The following KHDRBS2 variants were observed in gnomAD, a reference collection of about 807,000 sequenced individuals.
KHDRBS2 encodes the protein KH RNA binding domain containing, signal transduction associated 2.
In KHDRBS2, 26 loss-of-function variants were observed where a neutral mutation model predicts 44.3. That is an observed-to-expected ratio of 0.59 (90% CI 0.43 to 0.81). KHDRBS2 has a LOEUF of 0.81. Ranked by LOEUF, KHDRBS2 falls within the 40% of genes least tolerant of loss-of-function variation. KHDRBS2 has a pLI of 0.00. For synonymous variants in KHDRBS2, 194 were observed against 151.1 expected, an observed-to-expected ratio of 1.28 and a Z score of -2.08; for missense variants, 476 against 433.1, an observed-to-expected ratio of 1.10 and a Z score of -0.88.
chr6:61,754,275 C>G lies in KHDRBS2; in HGVS notation c.811-21511G>C, dbSNP rs147701758. 2.2e-3 allele frequency among the ~76,000 whole-genome samples: 336 copies of G among 152,070 alleles called. 4 individuals carry two copies. The highest frequency in any genetic ancestry group is 0.017 in the Admixed American group (258 of 15,264). On this transcript the variant is annotated intron_variant, in intron 6 of 8. Coordinates refer to ENST00000281156, the MANE Select transcript of KHDRBS2 (RefSeq NM_152688.4). The stretch of plus-strand genomic sequence containing the variant: ...TTAAGCCAAGGGGTCTAGTGAGGGA[C>G]CACAAAAAAATGGAGCAATGACCTG...
At chr6:61,607,519 G>GAAAA in the KHDRBS2 span, among the ~76,000 whole-genome samples, 34 of 23,322 alleles carry the variant, frequency 1.5e-3, 1 homozygote, top group Non-Finnish European at 1.8e-3. Context: ...TGAGTTCCAA[G>GAAAA]CAAAAAAAAA....
chr6:61,811,092 T>A (rs190750348), intron 6 of KHDRBS2, among the ~76,000 whole-genome samples: 9 of 152,236 alleles, frequency 5.9e-5, no homozygotes, highest in Admixed American at 5.2e-4. Context: ...ATAACAAGTG[T>A]TTCAGCCCTT....
intron 4 of KHDRBS2, among the ~76,000 whole-genome samples, chr6:61,973,939 A>G (rs1562561385): frequency 6.6e-6 from 1 of 152,176 alleles, no homozygotes. Flanking sequence ...TAAAAAAGCA[A>G]TCTATTTGTT....
chr6:61,695,613 C>T (rs1403809603), intron 8 of KHDRBS2, among the ~76,000 whole-genome samples: 1 of 152,102 alleles, frequency 6.6e-6, no homozygotes, highest in Non-Finnish European at 1.5e-5. Flanking sequence ...CATAGCCATA[C>T]TCTCACATTG....
chr6:61,766,444 A>AT (rs760134425), intron 6 of KHDRBS2, among the ~76,000 whole-genome samples: 4 of 151,418 alleles, frequency 2.6e-5, no homozygotes, highest in South Asian at 2.1e-4. Context: ...GATATTTTGT[A>AT]TTTTTTTGTT....
chr6:62,149,098 T>C (rs1236013086), intron 2 of KHDRBS2, among the ~76,000 whole-genome samples: 2 of 152,110 alleles, frequency 1.3e-5, no homozygotes, highest in Non-Finnish European at 2.9e-5. Flanking sequence ...ATCTGTGTTC[T>C]TTCCCAGACA....
the KHDRBS2 span, among the ~76,000 whole-genome samples, chr6:61,562,492 C>T: frequency 2.6e-5 from 4 of 152,074 alleles, no homozygotes; most frequent in Non-Finnish European, 5.9e-5. Context: ...TTTCCTTTCC[C>T]CCTTTTTCTT....
chr6:61,771,474 A>T (rs188203660), intron 6 of KHDRBS2, among the ~76,000 whole-genome samples: 210 of 152,318 alleles, frequency 1.4e-3, no homozygotes, highest in Non-Finnish European at 2.2e-3. Context: ...TAGGCTCAAA[A>T]TAAAGGGATG....
At chr6:61,912,913 A>T (rs890743989) in intron 4 of KHDRBS2, among the ~76,000 whole-genome samples, 1 of 152,128 alleles carries the variant, frequency 6.6e-6, no homozygotes, top group Non-Finnish European at 1.5e-5. Context: ...CCAACGCCAT[A>T]TCTCAAAGAG....
intron 4 of KHDRBS2, among the ~76,000 whole-genome samples, chr6:61,933,423 T>C (rs1158395902): frequency 1.3e-5 from 2 of 152,176 alleles, no homozygotes; most frequent in East Asian, 1.9e-4. Flanking sequence ...GCAAAAAACA[T>C]AGGAGTGCAG....
At chr6:62,251,130 A>T (rs1046883352) in intron 1 of KHDRBS2, among the ~76,000 whole-genome samples, 1 of 151,950 alleles carries the variant, frequency 6.6e-6, no homozygotes, top group African/African-American at 2.4e-5. Context: ...AAGAATCATG[A>T]TGTATATAAC....
the KHDRBS2 span, chr6:61,574,480 C>G: frequency 8.3e-7 from 1 of 1,201,140 alleles, no homozygotes; most frequent in Non-Finnish European, 1.1e-6. Flanking sequence ...AGGCTCTAAC[C>G]TACCAAACCT....
chr6:61,547,181 C>T, the KHDRBS2 span, among the ~76,000 whole-genome samples: 64 of 152,178 alleles, frequency 4.2e-4, no homozygotes, highest in South Asian at 2.1e-3. Flanking sequence ...CGACAACTCT[C>T]AATATTATAA....
chr6:62,048,620 TA>T (rs1313173955), intron 2 of KHDRBS2, among the ~76,000 whole-genome samples: 1 of 151,826 alleles, frequency 6.6e-6, no homozygotes, highest in African/African-American at 2.4e-5. Context: ...ACATAAAAGT[TA>T]AAAAACAGTA....
At chr6:61,597,643 G>A in the KHDRBS2 span, among the ~76,000 whole-genome samples, 5 of 148,270 alleles carry the variant, frequency 3.4e-5, no homozygotes, top group African/African-American at 1.2e-4. Context: ...CAGAATGGGG[G>A]ACAGAAGTAA....
chr6:61,890,223 T>C (rs1164245675), intron 6 of KHDRBS2, among the ~76,000 whole-genome samples: 1 of 152,172 alleles, frequency 6.6e-6, no homozygotes, highest in African/African-American at 2.4e-5. Context: ...AGTGACTGAT[T>C]GAATAAATAA....
At chr6:61,565,385 C>A in the KHDRBS2 span, among the ~76,000 whole-genome samples, 1 of 152,022 alleles carries the variant, frequency 6.6e-6, no homozygotes, top group South Asian at 2.1e-4. Flanking sequence ...AGACAACCTA[C>A]AAAATGACAG....
At chr6:62,174,341 CA>C (rs1319113069) in intron 2 of KHDRBS2, among the ~76,000 whole-genome samples, 27 of 151,142 alleles carry the variant, frequency 1.8e-4, no homozygotes, top group African/African-American at 6.1e-4. Flanking sequence ...TACAGTTAAA[CA>C]AAAAGGTGAA....
intron 4 of KHDRBS2, among the ~76,000 whole-genome samples, chr6:61,917,441 A>T (rs1437902167): frequency 6.6e-6 from 1 of 151,986 alleles, no homozygotes; most frequent in East Asian, 1.9e-4. Context: ...TTCTAGAAAA[A>T]GCAAAATTAC....
Sources: gnomAD v4.1 joint callset for allele counts (sites outside exome capture counted in the v4.1 genomes callset) on GRCh38, gnomAD v4.1.1 for gene constraint, MANE v1.5 for transcripts, NCBI Gene and HGNC (gene_info 2026-07-23, HGNC 2026-07-21) for gene names.